Variants in CCDC85A observed in about 807,000 individuals in gnomAD.
CCDC85A encodes the protein coiled-coil domain containing 85A, also known as coiled-coil domain-containing protein 85A.
CCDC85A carries 38 observed loss-of-function variants against 50.2 expected under a neutral mutation model. That is an observed-to-expected ratio of 0.76 (90% CI 0.58 to 0.99). The LOEUF (loss-of-function observed/expected upper bound fraction) is 0.99, where lower values mean the gene tolerates loss of function less well. Among genes scored for constraint, CCDC85A ranks in the 50% least tolerant of loss-of-function variants. The pLI is 0.00. For missense variants in CCDC85A, 820 were observed against 742.0 expected, an observed-to-expected ratio of 1.11 and a Z score of -1.22; for synonymous variants, 366 against 301.4, an observed-to-expected ratio of 1.21 and a Z score of -2.22.
chr2:56,184,934 G>A, intron 1 of CCDC85A, 34 bp downstream of exon 1: 1 of 1,450,230 alleles, frequency 6.9e-7, no homozygotes, highest in Non-Finnish European at 9.0e-7. Flanking sequence ...GCGCGGCGCG[G>A]CTGGGAGCGG....
intron 2 of CCDC85A, among the ~76,000 whole-genome samples, chr2:56,259,878 T>G (rs1670146850): frequency 1.3e-5 from 2 of 152,202 alleles, no homozygotes; most frequent in Non-Finnish European, 2.9e-5. Context: ...ATGCTAAACT[T>G]CTCATTACTC....
At chr2:56,351,889 G>A (rs1323141446) in intron 3 of CCDC85A, among the ~76,000 whole-genome samples, 2 of 152,048 alleles carry the variant, frequency 1.3e-5, no homozygotes, top group Non-Finnish European at 2.9e-5. Context: ...GGCTTTTGTT[G>A]CCATTGCTTT....
intron 2 of CCDC85A, among the ~76,000 whole-genome samples, chr2:56,303,533 G>A (rs996172932): frequency 1.3e-4 from 20 of 152,010 alleles, no homozygotes; most frequent in Admixed American, 1.3e-3. Context: ...GAATAAGTAG[G>A]CATTTCCTAA....
chr2:56,260,826 A>G (rs1394050371), intron 2 of CCDC85A, among the ~76,000 whole-genome samples: 7 of 152,176 alleles, frequency 4.6e-5, no homozygotes, highest in Non-Finnish European at 7.4e-5. Flanking sequence ...TAATGATTCT[A>G]TTTGTTGGCT....
At chr2:56,302,687 C>G (rs73940650) in intron 2 of CCDC85A, among the ~76,000 whole-genome samples, 1 of 152,180 alleles carries the variant, frequency 6.6e-6, no homozygotes, top group Non-Finnish European at 1.5e-5. Flanking sequence ...ATCTTAGTCT[C>G]ATGTTGTGAT....
intron 2 of CCDC85A, among the ~76,000 whole-genome samples, chr2:56,241,020 T>G (rs551489235): frequency 6.6e-6 from 1 of 152,312 alleles, no homozygotes; most frequent in East Asian, 1.9e-4. Context: ...TTCTCCATAT[T>G]ATTGCCAGCA....
At chr2:56,375,333 A>T (rs1454145782) in intron 4 of CCDC85A, among the ~76,000 whole-genome samples, 1 of 152,228 alleles carries the variant, frequency 6.6e-6, no homozygotes, top group East Asian at 1.9e-4. Flanking sequence ...AATTTGGATA[A>T]ATCTTTTTTG....
intron 1 of CCDC85A, 26 bp downstream of exon 1, chr2:56,184,926 G>C: frequency 6.9e-7 from 1 of 1,457,454 alleles, no homozygotes; most frequent in Middle Eastern, 2.5e-4. Flanking sequence ...GTGGGGAGGC[G>C]CGGCGCGGCT....
chr2:56,381,465 G>C (rs964050772), intron 5 of CCDC85A, among the ~76,000 whole-genome samples: 5 of 152,074 alleles, frequency 3.3e-5, no homozygotes, highest in African/African-American at 1.2e-4. Context: ...TCATAATTCG[G>C]ATCTCTGAGT....
intron 2 of CCDC85A, among the ~76,000 whole-genome samples, chr2:56,272,696 C>A (rs1053546626): frequency 2.0e-5 from 3 of 152,136 alleles, no homozygotes; most frequent in African/African-American, 7.2e-5. Flanking sequence ...ATATTAGCAC[C>A]TTGAGAAAGA....
intron 2 of CCDC85A, among the ~76,000 whole-genome samples, chr2:56,236,527 A>G (rs957358934): frequency 1.3e-5 from 2 of 152,292 alleles, no homozygotes; most frequent in African/African-American, 2.4e-5. Context: ...AAGAGCAACT[A>G]ATGAAGGGTA....
intron 2 of CCDC85A, among the ~76,000 whole-genome samples, chr2:56,212,513 T>C (rs937436486): frequency 1.3e-5 from 2 of 152,080 alleles, no homozygotes; most frequent in African/African-American, 4.8e-5. Context: ...TCCTGTGCTT[T>C]CCACACTGAA....
chr2:56,287,007 C>T (rs1040896989), intron 2 of CCDC85A, among the ~76,000 whole-genome samples: 1 of 152,240 alleles, frequency 6.6e-6, no homozygotes, highest in Non-Finnish European at 1.5e-5. Context: ...CCAAGGGGTG[C>T]CCTTTCTGTG....
intron 2 of CCDC85A, among the ~76,000 whole-genome samples, chr2:56,314,099 A>G (rs952245280): frequency 4.7e-5 from 7 of 148,224 alleles, no homozygotes; most frequent in African/African-American, 7.5e-5. Flanking sequence ...ATGAAGCAGA[A>G]AAGACCAGGG....
chr2:56,211,935 G>C (rs536689737), intron 2 of CCDC85A, among the ~76,000 whole-genome samples: 1 of 152,076 alleles, frequency 6.6e-6, no homozygotes, highest in African/African-American at 2.4e-5. Flanking sequence ...CTAATTCTCT[G>C]GTAACAAGCC....
chr2:56,321,090 AC>A (rs775744691), intron 2 of CCDC85A, among the ~76,000 whole-genome samples: 9 of 152,152 alleles, frequency 5.9e-5, no homozygotes, highest in South Asian at 4.1e-4. Flanking sequence ...AAATTCAACA[AC>A]CCTTCATGCT....
chr2:56,315,054 G>T (rs536323146), intron 2 of CCDC85A, among the ~76,000 whole-genome samples: 1 of 152,008 alleles, frequency 6.6e-6, no homozygotes, highest in African/African-American at 2.4e-5. Context: ...ATCCCCCTTT[G>T]CTTCATCTGT....
intron 2 of CCDC85A, among the ~76,000 whole-genome samples, chr2:56,243,903 C>T (rs780617867): frequency 5.2e-4 from 79 of 152,172 alleles, no homozygotes; most frequent in Non-Finnish European, 9.4e-4. Flanking sequence ...AGAGGTATTG[C>T]CTTGGTGGTC....
At chr2:56,383,403 C>G (rs75756437) in intron 5 of CCDC85A, among the ~76,000 whole-genome samples, 1 of 151,910 alleles carries the variant, frequency 6.6e-6, no homozygotes, top group Non-Finnish European at 1.5e-5. Flanking sequence ...TGTGCACATA[C>G]ATGCATGTGC....
Sources: allele counts gnomAD v4.1 joint callset (sites outside exome capture counted in the v4.1 genomes callset), GRCh38; gene constraint gnomAD v4.1.1; transcripts MANE v1.5; gene names NCBI Gene and HGNC (gene_info 2026-07-23, HGNC 2026-07-21).